The following NTRK3 variants were observed in gnomAD, a reference collection of about 807,000 sequenced individuals.
NTRK3 encodes neurotrophic receptor tyrosine kinase 3.
NTRK3 carries 24 observed loss-of-function variants against 91.7 expected under a neutral mutation model. The ratio of observed to expected loss-of-function variants is 0.26; its 90% CI spans 0.19 to 0.37. The LOEUF (loss-of-function observed/expected upper bound fraction) is 0.37. Among genes scored for constraint, NTRK3 ranks in the 10% least tolerant of loss-of-function variants. The probability of loss-of-function intolerance (pLI) is 1.00; values close to 1 mark genes in which losing one functional copy is unlikely to be tolerated. For missense variants in NTRK3, 880 were observed against 1,068.9 expected (o/e 0.82, Z 2.46); for synonymous variants, 483 against 404.0 (o/e 1.20, Z -2.34).
intron 3 of NTRK3, among the ~76,000 whole-genome samples, chr15:88,254,164 C>T (rs2053745499): frequency 6.6e-6 from 1 of 152,128 alleles, no homozygotes; most frequent in Non-Finnish European, 1.5e-5. Flanking sequence ...AGACTGGCTG[C>T]TCAGCTCCCA....
intron 17 of NTRK3, among the ~76,000 whole-genome samples, chr15:87,899,550 C>T (rs2066327441): frequency 6.6e-6 from 1 of 152,170 alleles, no homozygotes; most frequent in Non-Finnish European, 1.5e-5. Flanking sequence ...ATTAACCATT[C>T]TAGCTGGAGG....
At chr15:88,062,009 AAAT>A (rs1287394430) in intron 13 of NTRK3, among the ~76,000 whole-genome samples, 1 of 152,242 alleles carries the variant, frequency 6.6e-6, no homozygotes, top group African/African-American at 2.4e-5. Flanking sequence ...AAAATTAACA[AAAT>A]AAAAAATCAT....
At chr15:87,880,686 G>A (rs993933482) in intron 17 of NTRK3, among the ~76,000 whole-genome samples, 3 of 152,160 alleles carry the variant, frequency 2.0e-5, no homozygotes, top group Non-Finnish European at 4.4e-5. Context: ...GAAAGATCAA[G>A]GTAATCTGAA....
chr15:88,160,669 C>T (rs921645086), intron 5 of NTRK3, among the ~76,000 whole-genome samples: 25 of 152,212 alleles, frequency 1.6e-4, no homozygotes, highest in African/African-American at 5.5e-4. Context: ...GAAGACTCAA[C>T]CCTGGGGATC....
intron 14 of NTRK3, among the ~76,000 whole-genome samples, chr15:88,032,307 CTGAG>C (rs1396759598): frequency 1.3e-5 from 2 of 152,080 alleles, no homozygotes; most frequent in East Asian, 3.9e-4. Flanking sequence ...GCCCTCTGGT[CTGAG>C]TGAGACATCT....
chr15:88,083,183 G>A (rs1315489266), intron 13 of NTRK3, among the ~76,000 whole-genome samples: 1 of 152,106 alleles, frequency 6.6e-6, no homozygotes, highest in Non-Finnish European at 1.5e-5. Flanking sequence ...ACCCCTGCAC[G>A]GTCCTCTGTT....
chr15:88,085,225 C>T (rs1299044540), intron 13 of NTRK3, among the ~76,000 whole-genome samples: 1 of 152,184 alleles, frequency 6.6e-6, no homozygotes, highest in East Asian at 1.9e-4. Flanking sequence ...GGCAGGAACA[C>T]CATCACCCTT....
chr15:88,104,912 C>A (rs1025596274), intron 13 of NTRK3, among the ~76,000 whole-genome samples: 5 of 152,244 alleles, frequency 3.3e-5, no homozygotes, highest in Non-Finnish European at 7.3e-5. Context: ...AGCACCCTTA[C>A]TCTGCTTCTG....
chr15:88,131,752 T>A (rs890995908), intron 10 of NTRK3, among the ~76,000 whole-genome samples: 7 of 152,372 alleles, frequency 4.6e-5, no homozygotes, highest in African/African-American at 1.7e-4. Context: ...TTTAAGGCCT[T>A]TGCCAGGGCC....
chr15:88,008,274 G>A (rs1288131687), intron 14 of NTRK3, among the ~76,000 whole-genome samples: 3 of 152,064 alleles, frequency 2.0e-5, no homozygotes, highest in African/African-American at 7.2e-5. Context: ...AGGAAAGTGG[G>A]GCACACCTGG....
At chr15:88,159,809 T>A (rs917686823) in intron 5 of NTRK3, among the ~76,000 whole-genome samples, 1 of 152,050 alleles carries the variant, frequency 6.6e-6, no homozygotes, top group Admixed American at 6.6e-5. Context: ...TGCCCCTGGC[T>A]GGTCCAGGGC....
At chr15:88,134,778 G>A (rs2041714187) in intron 10 of NTRK3, among the ~76,000 whole-genome samples, 1 of 152,200 alleles carries the variant, frequency 6.6e-6, no homozygotes, top group African/African-American at 2.4e-5. Flanking sequence ...ATCAGGCCCA[G>A]AGTCTCCCCA....
At chr15:88,019,935 A>C (rs1253373077) in intron 14 of NTRK3, among the ~76,000 whole-genome samples, 2 of 152,210 alleles carry the variant, frequency 1.3e-5, no homozygotes, top group Admixed American at 1.3e-4. Context: ...AATATGAACA[A>C]GACTCAGACA....
At chr15:88,005,589 C>A (rs1441137735) in intron 14 of NTRK3, among the ~76,000 whole-genome samples, 1 of 152,132 alleles carries the variant, frequency 6.6e-6, no homozygotes, top group Non-Finnish European at 1.5e-5. Context: ...AGACTCCATG[C>A]ATGGAACAGA....
chr15:87,880,186 C>A (rs950682736), intron 18 of NTRK3, 84 bp downstream of exon 19: 5 of 1,554,288 alleles, frequency 3.2e-6, no homozygotes, highest in Middle Eastern at 2.0e-4. Flanking sequence ...CACCTAATGT[C>A]TTGTTCAGTA....
chr15:88,087,451 T>G (rs28549188), intron 13 of NTRK3, among the ~76,000 whole-genome samples: 15,029 of 152,176 alleles, frequency 0.099, 944 homozygotes, highest in African/African-American at 0.17. Flanking sequence ...AAATTTCCAC[T>G]GTCACTCAGC....
intron 17 of NTRK3, among the ~76,000 whole-genome samples, chr15:87,908,149 G>A (rs1043743796): frequency 1.3e-5 from 2 of 152,204 alleles, no homozygotes; most frequent in Non-Finnish European, 2.9e-5. Flanking sequence ...ACTCGTCCAT[G>A]CAGAGCCTTC....
At chr15:88,195,022 A>G (rs536396647) in intron 3 of NTRK3, among the ~76,000 whole-genome samples, 2 of 152,324 alleles carry the variant, frequency 1.3e-5, no homozygotes, top group Admixed American at 1.3e-4. Context: ...CTCATGCTCA[A>G]GTCAGGGGCG....
At chr15:88,073,758 G>A (rs1240246927) in intron 13 of NTRK3, among the ~76,000 whole-genome samples, 10 of 151,996 alleles carry the variant, frequency 6.6e-5, no homozygotes, top group Non-Finnish European at 1.5e-4. Flanking sequence ...CCCTGGGGGA[G>A]GGTCCAGAGT....
Sources: gnomAD v4.1 joint callset for allele counts (sites outside exome capture counted in the v4.1 genomes callset) on GRCh38, gnomAD v4.1.1 for gene constraint, MANE v1.5 for transcripts, NCBI Gene and HGNC (gene_info 2026-07-23, HGNC 2026-07-21) for gene names.